The following OLFML2A variants were observed in gnomAD, a reference collection of about 807,000 sequenced individuals.
The protein encoded by OLFML2A is olfactomedin like 2A, also known as olfactomedin-like protein 2A.
In OLFML2A, 47 loss-of-function variants were observed where a neutral mutation model predicts 60.9. The observed-to-expected ratio is 0.77, with a 90% confidence interval of 0.61 to 0.98. The LOEUF is 0.98. Ranked by LOEUF, OLFML2A falls within the 50% of genes least tolerant of loss-of-function variation. The pLI is 0.00. For missense variants in OLFML2A, 922 were observed against 879.8 expected (o/e 1.05, Z -0.61); for synonymous variants, 372 against 375.0 (o/e 0.99, Z 0.09).
At chr9:124,780,417 A>G (rs959548009) in intron 1 of OLFML2A, among the ~76,000 whole-genome samples, 7 of 152,182 alleles carry the variant, frequency 4.6e-5, no homozygotes, top group African/African-American at 1.2e-4. Flanking sequence ...GGGAAGCCCA[A>G]AGGACTGTGG....
chr9:124,786,325 A>G (rs776465372), intron 1 of OLFML2A, among the ~76,000 whole-genome samples: 8 of 152,222 alleles, frequency 5.3e-5, no homozygotes, highest in Admixed American at 2.6e-4. Flanking sequence ...AGGGAGGTTG[A>G]AGTGGGAGGA....
chr9:124,804,016 G>A (rs1841835915), intron 5 of OLFML2A, 78 bp from the exon 6 acceptor site: 7 of 1,520,178 alleles, frequency 4.6e-6, no homozygotes, highest in African/African-American at 1.4e-5. Flanking sequence ...CCTGAGATGG[G>A]GGCCCAGTGG....
chr9:124,795,139 C>A lies in OLFML2A; in HGVS notation c.462+8C>A. On this transcript the variant is annotated splice_region_variant and intron_variant, in intron 3 of 7. Transcript: ENST00000373580. Reference sequence around the variant, plus strand: ...ATGAACACACTGGAAGAGGTAAGGGCGGGGCTGCCGCCAGAGGCCAGGCTG... The same window carrying A: ...ATGAACACACTGGAAGAGGTAAGGGAGGGGCTGCCGCCAGAGGCCAGGCTG... 1 of 1,534,262 alleles carries A rather than the reference C, an allele frequency of 6.5e-7. No individual in the cohort carries two copies. Among genetic ancestry groups the A allele is most frequent in the Non-Finnish European group, 8.9e-7 (1 of 1,117,552 alleles).
intron 2 of OLFML2A, among the ~76,000 whole-genome samples, chr9:124,787,701 G>A (rs936778081): frequency 6.6e-6 from 1 of 151,864 alleles, no homozygotes; most frequent in African/African-American, 2.4e-5. Context: ...TGGGATTACA[G>A]ACGTGCACCA....
intron 2 of OLFML2A, among the ~76,000 whole-genome samples, chr9:124,788,390 G>C (rs1008979566): frequency 2.0e-5 from 3 of 151,798 alleles, no homozygotes; most frequent in African/African-American, 7.3e-5. Flanking sequence ...GGTGGATCAC[G>C]AGGTCAGGAG....
Position 124,804,155 on chromosome 9 carries a change from C to T in OLFML2A, c.981C>T (p.Ser327=), listed in dbSNP as rs909789721. ...EQLPPKVEGR[S]NSAEPNSAEQ... is the part of the protein sequence containing the mutation. ...TGCCGCCCAAGGTGGAGGGCAGGTC[C>T]AACTCCGCAGAGCCCAACTCCGCAG... The change falls in exon 6 of 8, where the codon TCC becomes TCT. Residue 327 remains serine (S), a synonymous_variant. Coordinates refer to ENST00000373580, the MANE Select transcript of OLFML2A (RefSeq NM_182487.4). 4 of 1,613,692 alleles carry T rather than the reference C, an allele frequency of 2.5e-6. No individual in the cohort carries two copies. The highest frequency in any genetic ancestry group is 3.4e-6 in the Non-Finnish European group (4 of 1,179,732).
chr9:124,804,399 A>G (rs992875729), intron 6 of OLFML2A, 57 bp downstream of exon 6: 31 of 1,462,594 alleles, frequency 2.1e-5, no homozygotes, highest in Non-Finnish European at 2.8e-5. Context: ...TCTAGCCCAC[A>G]GCCTGTTTCT....
chr9:124,805,808 G>GTTTTTTTT (rs59555267), intron 6 of OLFML2A, among the ~76,000 whole-genome samples: 115 of 71,270 alleles, frequency 1.6e-3, no homozygotes, highest in Non-Finnish European at 2.1e-3. Flanking sequence ...GGTTTTTTTG[G>GTTTTTTTT]TTTTTTTTTT....
Position 124,809,956 on chromosome 9 carries a change from G to C in OLFML2A, c.1503G>C (p.Leu501=). 1 of 1,614,184 alleles carries C rather than the reference G, an allele frequency of 6.2e-7. No homozygotes were observed. The highest frequency in any genetic ancestry group is 8.5e-7 in the Non-Finnish European group (1 of 1,180,036). Residue 501 remains leucine (L), a synonymous_variant, in exon 8 of 8, where the codon CTG becomes CTC. Transcript: ENST00000373580. The stretch of plus-strand genomic sequence containing the variant: ...AGCGCTTCGTGGCCTCCTGGGCGCT[G>C]CTGCCCGACGTGGTATATGAGGACA... ...LRQRFVASWA[L]LPDVVYEDTT... is the part of the protein sequence containing the mutation.
rs147894163 is a variant in OLFML2A at position 124,779,720 on chromosome 9, G to C, written c.90+2360G>C. Among the ~76,000 whole-genome samples, 1 of 152,224 alleles carries C rather than the reference G, an allele frequency of 6.6e-6. No homozygotes were observed. Among genetic ancestry groups the C allele is most frequent in the African/African-American group, 2.4e-5 (1 of 41,546 alleles). On this transcript the variant is annotated intron_variant, in intron 1 of 7. Transcript: ENST00000373580. This position sits in a 1 kb window ranked among gnomAD's most constrained non-coding sequence, Gnocchi z 4.1. Reference sequence around the variant, plus strand: ...GAAAAATAAAAATCAAGTGATGGGTGAATTTACTCTGCATTCCTTAGCTGA... The same window carrying C: ...GAAAAATAAAAATCAAGTGATGGGTCAATTTACTCTGCATTCCTTAGCTGA...
Position 124,777,205 on chromosome 9 carries a change from C to G in OLFML2A, c.-66C>G. ...GCAGAGCGGGCGAAGGCGCGGAGCT[C>G]GCAGTGCAGCCCGCGCTTCCCAGCG... On this transcript the variant is annotated 5_prime_UTR_variant, in exon 1 of 8. Coordinates refer to ENST00000373580, the MANE Select transcript of OLFML2A (RefSeq NM_182487.4). This position sits in a 1 kb window ranked among gnomAD's most constrained non-coding sequence, Gnocchi z 6.2. 1 of 560,724 alleles carries G rather than the reference C, an allele frequency of 1.8e-6. No individual in the cohort carries two copies. The highest frequency in any genetic ancestry group is 2.6e-6 in the Non-Finnish European group (1 of 384,096). 34.7% of individuals were successfully genotyped at this position (560,724 alleles called of 1,614,324 possible). A position where few individuals can be genotyped will look rare whatever the true frequency, so the allele number is the denominator to read the frequency against.
chr9:124,800,121 G>T (rs1250260749), intron 4 of OLFML2A, among the ~76,000 whole-genome samples: 6 of 152,222 alleles, frequency 3.9e-5, no homozygotes, highest in Admixed American at 6.5e-5. Context: ...TGTGAAGCTG[G>T]TTCTCCCTCT....
Position 124,810,511 on chromosome 9 carries a change from C to T in OLFML2A, c.*99C>T. ...CAGTCCGCAAATATTTATTGGGGGC[C>T]AGCCCAGGGCTGGGACTGGGCATGA... is the stretch of plus-strand genomic sequence containing the variant. On this transcript the variant is annotated 3_prime_UTR_variant, in exon 8 of 8. Transcript: ENST00000373580. The T allele has an allele frequency of 7.9e-7, 1 of 1,257,908 alleles. No individual in the cohort carries two copies. Among genetic ancestry groups the T allele is most frequent in the South Asian group, 1.5e-5 (1 of 66,030 alleles). 77.9% of individuals were successfully genotyped at this position (1,257,908 alleles called of 1,614,324 possible).
chr9:124,810,308 G>A lies in OLFML2A; in HGVS notation c.1855G>A (p.Glu619Lys), dbSNP rs779002596. Residue 619 changes from glutamate to lysine, a missense_variant, in exon 8 of 8, where the codon GAG becomes AAG. By Grantham distance (56) the Glu-to-Lys change is moderately conservative (BLOSUM62 1). Transcript: ENST00000373580. ...DARPQLPFLN[E>K]HAYTTQIDYN... ...ACGCCCCCAGCTGCCGTTCCTCAAC[G>A]AGCACGCCTACACCACCCAGATCGA... 3.1e-6 allele frequency: 5 copies of A among 1,607,996 alleles called. No homozygotes were observed. In the South Asian group the frequency reaches 3.3e-5, roughly 11 times the overall value.
intron 6 of OLFML2A, among the ~76,000 whole-genome samples, chr9:124,806,628 T>C (rs1032079124): frequency 6.6e-6 from 1 of 151,968 alleles, no homozygotes; most frequent in Non-Finnish European, 1.5e-5. Flanking sequence ...TTATTTTATT[T>C]TTATTTTTTT....
At chr9:124,800,071 G>A (rs1041031844) in intron 4 of OLFML2A, among the ~76,000 whole-genome samples, 24 of 152,338 alleles carry the variant, frequency 1.6e-4, no homozygotes, top group Non-Finnish European at 2.1e-4. Context: ...ACACACCTGC[G>A]TGCAAATGTG....
chr9:124,784,036 A>G (rs1230529046), intron 1 of OLFML2A, among the ~76,000 whole-genome samples: 2 of 152,146 alleles, frequency 1.3e-5, no homozygotes, highest in African/African-American at 4.8e-5. Context: ...GGTATGGCAT[A>G]TGCAAAAGCC....
chr9:124,793,745 G>A (rs1206374777), intron 2 of OLFML2A, among the ~76,000 whole-genome samples: 1 of 152,172 alleles, frequency 6.6e-6, no homozygotes, highest in Non-Finnish European at 1.5e-5. Flanking sequence ...ATATTCCTGA[G>A]CTGGGCGTGG....
intron 3 of OLFML2A, among the ~76,000 whole-genome samples, chr9:124,796,754 G>T (rs1025303378): frequency 6.6e-6 from 1 of 152,138 alleles, no homozygotes; most frequent in African/African-American, 2.4e-5. Flanking sequence ...CTCAACCAGG[G>T]GTGACTTTGC....
Sources: allele counts gnomAD v4.1 joint callset (sites outside exome capture counted in the v4.1 genomes callset), GRCh38; gene constraint gnomAD v4.1.1; non-coding constraint Gnocchi (gnomAD v3.1); transcripts MANE v1.5; gene names NCBI Gene and HGNC (gene_info 2026-07-23, HGNC 2026-07-21).